FAF1: variants seen among roughly 807,000 people sequenced by gnomAD.
FAF1 encodes the protein FAS-associated factor 1.
In FAF1, 25 loss-of-function variants were observed where a neutral mutation model predicts 92.5. That is an observed-to-expected ratio of 0.27 (90% CI 0.20 to 0.38). The LOEUF (loss-of-function observed/expected upper bound fraction) is 0.38, where lower values mean the gene tolerates loss of function less well. Among genes scored for constraint, FAF1 ranks in the 10% least tolerant of loss-of-function variants. The probability of loss-of-function intolerance (pLI) is 1.00; values close to 1 mark genes in which losing one functional copy is unlikely to be tolerated. For synonymous variants in FAF1, 234 were observed against 273.2 expected, an observed-to-expected ratio of 0.86 and a Z score of 1.42; for missense variants, 636 against 793.3, an observed-to-expected ratio of 0.80 and a Z score of 2.38.
rs563942343 is a variant in FAF1, at chr1:50,840,214, C to T, written c.114+17715G>A. On this transcript the variant is annotated intron_variant, in intron 2 of 18. Transcript: ENST00000396153. ...CCTTGGTTAAGGAAAGGATTTCCCA[C>T]AGAGGATACGAAAGCATAAACAATA... 3.9e-5 allele frequency among the ~76,000 whole-genome samples: 6 copies of T among 152,062 alleles called. No individual in the cohort carries two copies. In the South Asian group the frequency reaches 1.0e-3, roughly 26 times the overall value.
At chr1:50,441,591 T>G in intron 18 of FAF1, 68 bp from the exon 19 acceptor site, 1 of 835,384 alleles carries the variant, frequency 1.2e-6, no homozygotes, top group Non-Finnish European at 1.9e-6. Context: ...TGGCCTTCAT[T>G]TTATCTATGC....
Position 50,441,188 on chromosome 1 carries a change from G to T in FAF1, c.*252C>A, listed in dbSNP as rs1170907562. On this transcript the variant is annotated 3_prime_UTR_variant, in exon 19 of 19. Coordinates refer to ENST00000396153, the MANE Select transcript of FAF1 (RefSeq NM_007051.3). The stretch of plus-strand genomic sequence containing the variant: ...AACAATGCATTCGTCATTGAAGGAG[G>T]GTGAAGTGCAGGGGGTAGGGGAGGG... 2.8e-5 allele frequency: 11 copies of T among 392,864 alleles called. No homozygotes were observed. Among genetic ancestry groups the T allele is most frequent in the Non-Finnish European group, 9.1e-6 (2 of 219,702 alleles). 24.3% of individuals were successfully genotyped at this position (392,864 alleles called of 1,614,324 possible). A position where few individuals can be genotyped will look rare whatever the true frequency, so the allele number is the denominator to read the frequency against.
chr1:50,460,298 TTC>T (rs903634195), intron 18 of FAF1, among the ~76,000 whole-genome samples: 8 of 152,256 alleles, frequency 5.3e-5, no homozygotes, highest in Admixed American at 2.6e-4. Context: ...ATTCCTTTCT[TTC>T]TGTTTTCAAA....
At chr1:50,899,577 C>T (rs1302826748) in intron 1 of FAF1, among the ~76,000 whole-genome samples, 1 of 152,160 alleles carries the variant, frequency 6.6e-6, no homozygotes, top group Non-Finnish European at 1.5e-5. Flanking sequence ...CTCAGCCTCC[C>T]GAGTAGCTGG....
At chr1:50,684,708 G>A (rs377142113) in intron 7 of FAF1, among the ~76,000 whole-genome samples, 4 of 152,090 alleles carry the variant, frequency 2.6e-5, no homozygotes, top group African/African-American at 7.2e-5. Context: ...CACTAAGCTC[G>A]AGCATTCAAC....
intron 8 of FAF1, among the ~76,000 whole-genome samples, chr1:50,608,314 A>C (rs1304087541): frequency 2.0e-5 from 3 of 152,094 alleles, no homozygotes; most frequent in African/African-American, 7.2e-5. Context: ...GCTAGTCCTC[A>C]ATTTGGTCAG....
intron 12 of FAF1, among the ~76,000 whole-genome samples, chr1:50,574,423 A>C (rs1037928314): frequency 2.0e-5 from 3 of 152,186 alleles, no homozygotes; most frequent in Non-Finnish European, 4.4e-5. Context: ...TTTCCAGGTA[A>C]ACATTTAGAC....
chr1:50,524,044 G>A (rs775933166), intron 15 of FAF1, among the ~76,000 whole-genome samples: 13 of 151,940 alleles, frequency 8.6e-5, no homozygotes, highest in African/African-American at 9.7e-5. Flanking sequence ...CTGCAACCTC[G>A]CTAGCATCTA....
chr1:50,882,713 C>T (rs1033351248), intron 1 of FAF1, among the ~76,000 whole-genome samples: 26 of 151,732 alleles, frequency 1.7e-4, no homozygotes, highest in South Asian at 1.7e-3. Flanking sequence ...TGGCTGGGTG[C>T]GGTGGCTCAC....
intron 6 of FAF1, among the ~76,000 whole-genome samples, chr1:50,719,899 T>C (rs1569830427): frequency 2.0e-5 from 3 of 152,250 alleles, no homozygotes; most frequent in Admixed American, 2.0e-4. Flanking sequence ...TCCAATTAGA[T>C]GTGTTGTGAT....
At chr1:50,853,989 C>T (rs1316061942) in intron 2 of FAF1, among the ~76,000 whole-genome samples, 1 of 151,892 alleles carries the variant, frequency 6.6e-6, no homozygotes, top group African/African-American at 2.4e-5. Context: ...ATCTAGGGTA[C>T]AAACCCTTCA....
At chr1:50,448,894 C>T (rs1430438092) in intron 18 of FAF1, among the ~76,000 whole-genome samples, 1 of 147,872 alleles carries the variant, frequency 6.8e-6, no homozygotes, top group Non-Finnish European at 1.5e-5. Flanking sequence ...TAAGCAAGTA[C>T]TTAACAATTA....
chr1:50,482,876 G>A (rs1319962750), intron 17 of FAF1, among the ~76,000 whole-genome samples: 2 of 151,966 alleles, frequency 1.3e-5, no homozygotes, highest in African/African-American at 4.8e-5. Flanking sequence ...AGTTTTGAGA[G>A]TTCTTTTTGT....
At chr1:50,749,183 G>A (rs565919449) in intron 4 of FAF1, among the ~76,000 whole-genome samples, 2 of 152,166 alleles carry the variant, frequency 1.3e-5, no homozygotes, top group African/African-American at 4.8e-5. Context: ...TTTGCTTGTG[G>A]CTGAGGTTGA....
rs543500398 is a variant in FAF1 at position 50,804,304 on chromosome 1, T to C, written c.115-2627A>G. On this transcript the variant is annotated intron_variant, in intron 2 of 18. Coordinates refer to ENST00000396153, the MANE Select transcript of FAF1 (RefSeq NM_007051.3). ...TACGTTCAAGAAAGCAACATCTGCT[T>C]AAAGGCAAATAAACGAAGCCCTAGA... Among the ~76,000 whole-genome samples the C allele has an allele frequency of 2.5e-4, 38 of 152,268 alleles. No individual in the cohort carries two copies. The South Asian group carries it at 7.5e-3, about 30-fold the overall frequency.
intron 7 of FAF1, among the ~76,000 whole-genome samples, chr1:50,704,355 T>C (rs1657591369): frequency 1.3e-5 from 2 of 152,184 alleles, no homozygotes; most frequent in Admixed American, 6.6e-5. Flanking sequence ...ACTATATTTA[T>C]TCATCATACA....
intron 2 of FAF1, 40 bp downstream of exon 2, chr1:50,857,889 A>G: frequency 7.9e-7 from 1 of 1,265,446 alleles, no homozygotes; most frequent in African/African-American, 1.5e-5. Flanking sequence ...AAGAATTCAT[A>G]AAATTTGATT....
intron 3 of FAF1, among the ~76,000 whole-genome samples, chr1:50,796,896 G>A (rs1469185508): frequency 2.6e-5 from 4 of 152,242 alleles, no homozygotes; most frequent in African/African-American, 9.6e-5. Flanking sequence ...TTGGGAGGCC[G>A]AGGCAGGAGG....
At chr1:50,729,151 G>A (rs1230367638) in intron 6 of FAF1, among the ~76,000 whole-genome samples, 2 of 150,346 alleles carry the variant, frequency 1.3e-5, no homozygotes, top group African/African-American at 2.4e-5. Context: ...CGCCTCCCGG[G>A]TTCAAGTGAT....
Sources: allele counts gnomAD v4.1 joint callset (sites outside exome capture counted in the v4.1 genomes callset), GRCh38; gene constraint gnomAD v4.1.1; transcripts MANE v1.5; gene names NCBI Gene and HGNC (gene_info 2026-07-23, HGNC 2026-07-21).